The following SMLR1 variants were observed in gnomAD, a reference collection of about 807,000 sequenced individuals.
The protein encoded by SMLR1 is small leucine-rich protein 1.
Under a neutral mutation model 6.1 loss-of-function variants are expected in SMLR1, and 3 were observed. The observed-to-expected ratio is 0.49, with a 90% CI of 0.22 to 1.28. The LOEUF (loss-of-function observed/expected upper bound fraction) is 1.28. Ranked by LOEUF, SMLR1 falls within the 50% of genes most tolerant of loss-of-function variation. The pLI is 0.19. For missense variants in SMLR1, 126 were observed against 124.8 expected (o/e 1.01, Z -0.05); for synonymous variants, 55 against 53.6 (o/e 1.03, Z -0.11).
intron 1 of SMLR1, among the ~76,000 whole-genome samples, chr6:130,828,502 T>A (rs754383730): frequency 6.6e-6 from 1 of 152,346 alleles, no homozygotes; most frequent in East Asian, 1.9e-4. Flanking sequence ...CATCTGTTTA[T>A]GTAATAACAT....
chr6:130,834,985 A>C lies in SMLR1; in HGVS notation c.*30A>C. 6.6e-7 allele frequency: 1 copy of C among 1,513,776 alleles called. No homozygotes were observed. Among genetic ancestry groups the C allele is most frequent in the Non-Finnish European group, 8.9e-7 (1 of 1,126,974 alleles). 93.8% of individuals were successfully genotyped at this position (1,513,776 alleles called of 1,614,324 possible). A position where few individuals can be genotyped will look rare whatever the true frequency, so the allele number is the denominator to read the frequency against. The stretch of plus-strand genomic sequence containing the variant: ...GGGGACTTTCCAATAACTAAAGCAC[A>C]ATGAGTTTCTACTGGTCAGCAAGCA... On this transcript the variant is annotated 3_prime_UTR_variant, in exon 2 of 2. Coordinates refer to ENST00000541421, the MANE Select transcript of SMLR1 (RefSeq NM_001195597.2).
At position 130,827,620 on chromosome 6, in the gene SMLR1, C is replaced by T; in HGVS notation, c.207C>T (p.Leu69=). The T allele has an allele frequency of 6.5e-7, 1 of 1,536,020 alleles. No individual in the cohort carries two copies. The highest frequency in any genetic ancestry group is 8.7e-7 in the Non-Finnish European group (1 of 1,146,834). ...FLPVTLLLLL[L]IAYFRIKLIE... ...CCGTGACTTTGCTGCTGCTCCTCCT[C>T]ATCGCCTACTTCAGGATCAAACTGA... The change falls in exon 1 of 2, where the codon CTC becomes CTT. Residue 69 remains leucine (L), a synonymous_variant. Coordinates refer to ENST00000541421, the MANE Select transcript of SMLR1 (RefSeq NM_001195597.2).
chr6:130,830,952 G>A (rs893196967), intron 1 of SMLR1, among the ~76,000 whole-genome samples: 6 of 152,166 alleles, frequency 3.9e-5, no homozygotes, highest in Admixed American at 1.3e-4. Context: ...AGCAGCCCTC[G>A]GGGCTGCTCT....
chr6:130,827,638 C>T lies in SMLR1; in HGVS notation c.225C>T (p.Ile75=). 1.5e-5 allele frequency: 23 copies of T among 1,535,812 alleles called. No homozygotes were observed. Among genetic ancestry groups the T allele is most frequent in the Non-Finnish European group, 2.0e-5 (23 of 1,146,732 alleles). Reference sequence around the variant, plus strand: ...TCCTCCTCATCGCCTACTTCAGGATCAAACTGATTGAGGGTAAGTGTGAGG... The same window carrying T: ...TCCTCCTCATCGCCTACTTCAGGATTAAACTGATTGAGGGTAAGTGTGAGG... ...LLLLLIAYFR[I]KLIEVNEELS... is the part of the protein sequence containing the mutation. The change falls in exon 1 of 2, where the codon ATC becomes ATT. Residue 75 remains isoleucine (I), a synonymous_variant. Coordinates refer to ENST00000541421, the MANE Select transcript of SMLR1 (RefSeq NM_001195597.2).
chr6:130,829,263 C>T (rs1364000284), intron 1 of SMLR1, among the ~76,000 whole-genome samples: 1 of 152,176 alleles, frequency 6.6e-6, no homozygotes, highest in East Asian at 1.9e-4. Context: ...TTCAGTGGGA[C>T]ATCTGGTATT....
At chr6:130,834,796 CA>C in intron 1 of SMLR1, 73 bp from the exon 2 acceptor site, 1 of 1,276,576 alleles carries the variant, frequency 7.8e-7, no homozygotes, top group Non-Finnish European at 1.1e-6. Flanking sequence ...TGCTGGCCAA[CA>C]GCCCTTATGA....
intron 1 of SMLR1, among the ~76,000 whole-genome samples, chr6:130,831,335 T>G (rs1774439213): frequency 6.6e-6 from 1 of 152,106 alleles, no homozygotes; most frequent in Non-Finnish European, 1.5e-5. Flanking sequence ...ATGGAATCAG[T>G]GCATCTATTT....
In SMLR1 at chr6:130,835,087, A is replaced by C. The variant is rs910100545; in HGVS notation, c.*132A>C. ...AAATAGAAAGAATACTAAGATACTC[A>C]TTCTGAACCATACTGAAAAGTGGCA... On this transcript the variant is annotated 3_prime_UTR_variant, in exon 2 of 2. Transcript: ENST00000541421. The C allele has an allele frequency of 2.8e-6, 2 of 707,134 alleles. No individual in the cohort carries two copies. Among genetic ancestry groups the C allele is most frequent in the Non-Finnish European group, 4.7e-6 (2 of 421,706 alleles). The allele number at this position is 707,134 out of a possible 1,614,324, so 43.8% of individuals were successfully genotyped here.
chr6:130,835,016 C>A lies in SMLR1; in HGVS notation c.*61C>A. Reference sequence around the variant, plus strand: ...TTTCTACTGGTCAGCAAGCAATGGCCAACAGTTCAGCTAATAAAGTAGGTT... The same window carrying A: ...TTTCTACTGGTCAGCAAGCAATGGCAAACAGTTCAGCTAATAAAGTAGGTT... On this transcript the variant is annotated 3_prime_UTR_variant, in exon 2 of 2. Coordinates refer to ENST00000541421, the MANE Select transcript of SMLR1 (RefSeq NM_001195597.2). 1 of 1,279,298 alleles carries A rather than the reference C, an allele frequency of 7.8e-7. No homozygotes were observed. The highest frequency in any genetic ancestry group is 1.1e-6 in the Non-Finnish European group (1 of 913,548). 79.2% of individuals were successfully genotyped at this position (1,279,298 alleles called of 1,614,324 possible). A position where few individuals can be genotyped will look rare whatever the true frequency, so the allele number is the denominator to read the frequency against.
chr6:130,831,768 CCA>C (rs896591462), intron 1 of SMLR1, among the ~76,000 whole-genome samples: 36 of 152,218 alleles, frequency 2.4e-4, no homozygotes, highest in African/African-American at 8.7e-4. Flanking sequence ...TCGCAGAACC[CCA>C]GAGTCCTGCA....
At chr6:130,829,416 G>A (rs1267634531) in intron 1 of SMLR1, among the ~76,000 whole-genome samples, 3 of 152,154 alleles carry the variant, frequency 2.0e-5, no homozygotes, top group Admixed American at 6.5e-5. Flanking sequence ...GAATCACATT[G>A]CTTTAGAATA....
In SMLR1 at chr6:130,830,887, A is replaced by AC. The variant is rs771381991; in HGVS notation, c.238+3238dup. ...GGCCTAAAAAGGGGTGGCATAAATA[A>AC]CCGCCCCCCCGCGTTTAGCATATAA... On this transcript the variant is annotated intron_variant, in intron 1 of 1. Coordinates refer to ENST00000541421, the MANE Select transcript of SMLR1 (RefSeq NM_001195597.2). Among the ~76,000 whole-genome samples, 617 of 151,918 alleles carry AC rather than the reference A, an allele frequency of 4.1e-3. 4 individuals carry two copies. Among genetic ancestry groups the AC allele is most frequent in the African/African-American group, 0.014 (584 of 41,226 alleles).
Position 130,834,964 on chromosome 6 carries a change from A to T in SMLR1, c.*9A>T. ...GAATGAAATGGACGTGAAGTTGGGG[A>T]CTTTCCAATAACTAAAGCACAATGA... On this transcript the variant is annotated 3_prime_UTR_variant, in exon 2 of 2. Transcript: ENST00000541421. 6.5e-7 allele frequency: 1 copy of T among 1,533,040 alleles called. No homozygotes were observed. Among genetic ancestry groups the T allele is most frequent in the African/African-American group, 1.4e-5 (1 of 73,038 alleles). 95.0% of individuals were successfully genotyped at this position (1,533,040 alleles called of 1,614,324 possible). A position where few individuals can be genotyped will look rare whatever the true frequency, so the allele number is the denominator to read the frequency against.
chr6:130,834,558 G>A (rs1361091439), intron 1 of SMLR1, among the ~76,000 whole-genome samples: 1 of 152,194 alleles, frequency 6.6e-6, no homozygotes, highest in Non-Finnish European at 1.5e-5. Context: ...GGCAGACACT[G>A]TGACTTGCTG....
Position 130,834,999 on chromosome 6 carries a change from G to A in SMLR1, c.*44G>A. The A allele has an allele frequency of 6.8e-7, 1 of 1,468,118 alleles. No homozygotes were observed. Among genetic ancestry groups the A allele is most frequent in the Non-Finnish European group, 9.2e-7 (1 of 1,085,536 alleles). 90.9% of individuals were successfully genotyped at this position (1,468,118 alleles called of 1,614,324 possible). A position where few individuals can be genotyped will look rare whatever the true frequency, so the allele number is the denominator to read the frequency against. ...AACTAAAGCACAATGAGTTTCTACT[G>A]GTCAGCAAGCAATGGCCAACAGTTC... On this transcript the variant is annotated 3_prime_UTR_variant, in exon 2 of 2. Transcript: ENST00000541421.
Position 130,837,008 on chromosome 6 carries a change from C to T in SMLR1, c.*2053C>T, listed in dbSNP as rs1309248716. The T allele has an allele frequency of 6.6e-6, 1 of 152,162 alleles. No homozygotes were observed. Among genetic ancestry groups the T allele is most frequent in the Non-Finnish European group, 1.5e-5 (1 of 68,060 alleles). The allele number at this position is 152,162 out of a possible 1,614,324, so 9.4% of individuals were successfully genotyped here. A position where few individuals can be genotyped will look rare whatever the true frequency, so the allele number is the denominator to read the frequency against. On this transcript the variant is annotated 3_prime_UTR_variant, in exon 2 of 2. Coordinates refer to ENST00000541421, the MANE Select transcript of SMLR1 (RefSeq NM_001195597.2). ...AGGGGCCAGAAATGCTCCCACAACC[C>T]TCAATGGTCTCACTACAACAGTTCC...
At position 130,827,484 on chromosome 6, in the gene SMLR1, G is replaced by A; in HGVS notation, c.71G>A (p.Ser24Asn). 1 of 1,536,048 alleles carries A rather than the reference G, an allele frequency of 6.5e-7. No homozygotes were observed. Among genetic ancestry groups the A allele is most frequent in the Non-Finnish European group, 8.7e-7 (1 of 1,146,874 alleles). ...CAGAGGAAAGCTGCCCTGGTCCTGAGTGTGACTCCCATGGTCCCCGTGGGG... is the reference window on the plus strand; with the variant it reads ...CAGAGGAAAGCTGCCCTGGTCCTGAATGTGACTCCCATGGTCCCCGTGGGG... ...QTQRKAALVLSVTPMVPVGSV... is the reference protein window; with the variant it reads ...QTQRKAALVLNVTPMVPVGSV... Residue 24 changes from serine to asparagine, a missense_variant, in exon 1 of 2, where the codon AGT becomes AAT. Transcript: ENST00000541421.
intron 1 of SMLR1, among the ~76,000 whole-genome samples, chr6:130,830,778 G>A (rs1386294592): frequency 1.3e-5 from 2 of 152,178 alleles, no homozygotes; most frequent in African/African-American, 4.8e-5. Flanking sequence ...TGATGACAGT[G>A]ACCTCTGGTC....
At position 130,834,911 on chromosome 6, in the gene SMLR1, C is replaced by T. The variant is rs1774601435; in HGVS notation, c.280C>T (p.Pro94Ser). 4.6e-6 allele frequency: 7 copies of T among 1,535,228 alleles called. No homozygotes were observed. Among genetic ancestry groups the T allele is most frequent in the African/African-American group, 1.4e-5 (1 of 72,992 alleles). The change falls in exon 2 of 2, where the codon CCC becomes TCC. Residue 94 changes from proline to serine, a missense_variant. By Grantham distance (74) the Pro-to-Ser change is moderately conservative. Coordinates refer to ENST00000541421, the MANE Select transcript of SMLR1 (RefSeq NM_001195597.2). ...CCAGAACTGTGATCGCCAACATAATCCCAAGGATGGCTCTTCCCTGTACCA... is the reference window on the plus strand; with the variant it reads ...CCAGAACTGTGATCGCCAACATAATTCCAAGGATGGCTCTTCCCTGTACCA... ...LSQNCDRQHNPKDGSSLYQRM... is the reference protein window; with the variant it reads ...LSQNCDRQHNSKDGSSLYQRM...
Sources: allele counts gnomAD v4.1 joint callset (sites outside exome capture counted in the v4.1 genomes callset), GRCh38; gene constraint gnomAD v4.1.1; transcripts MANE v1.5; gene names NCBI Gene and HGNC (gene_info 2026-07-23, HGNC 2026-07-21).